PLEKHM2: variants seen among roughly 807,000 people sequenced by gnomAD.
The protein encoded by PLEKHM2 is pleckstrin homology and RUN domain containing M2.
PLEKHM2 carries 77 observed loss-of-function variants against 116.3 expected under a neutral mutation model. The ratio of observed to expected loss-of-function variants is 0.66; its 90% confidence interval spans 0.55 to 0.80. The LOEUF (loss-of-function observed/expected upper bound fraction) is 0.80. Ranked by LOEUF, PLEKHM2 falls within the 30% of genes least tolerant of loss-of-function variation. PLEKHM2 has a pLI of 0.00. For missense variants in PLEKHM2, 1,183 were observed against 1,354.9 expected, an observed-to-expected ratio of 0.87 and a Z score of 1.99; for synonymous variants, 562 against 571.0, an observed-to-expected ratio of 0.98 and a Z score of 0.22.
chr1:15,727,062 TGAG>T lies in PLEKHM2; in HGVS notation c.995_997del (p.Glu332del). 1.3e-6 allele frequency: 2 copies of T among 1,503,570 alleles called. No individual in the cohort carries two copies. Among genetic ancestry groups the T allele is most frequent in the Non-Finnish European group, 1.8e-6 (2 of 1,128,578 alleles). 93.1% of individuals were successfully genotyped at this position (1,503,570 alleles called of 1,614,324 possible). A position where few individuals can be genotyped will look rare whatever the true frequency, so the allele number is the denominator to read the frequency against. On this transcript the variant is annotated inframe_deletion, in exon 9 of 20. Transcript: ENST00000375799. This position sits in a 1 kb window ranked among gnomAD's most constrained non-coding sequence, Gnocchi z 7.5. Reference sequence around the variant, plus strand: ...GCAAGAAGAAAAAGAGCAGATCAGATGAGGAGGCAAGTCCACTCCACCCCGCCT... The same window carrying T: ...GCAAGAAGAAAAAGAGCAGATCAGATGAGGCAAGTCCACTCCACCCCGCCT...
chr1:15,717,408 T>C (rs1367685356), intron 3 of PLEKHM2, among the ~76,000 whole-genome samples: 2 of 152,108 alleles, frequency 1.3e-5, no homozygotes, highest in Admixed American at 1.3e-4. Flanking sequence ...AGTCTCTGTC[T>C]CAAAAAATAA....
chr1:15,727,902 T>A lies in PLEKHM2; in HGVS notation c.1760+70T>A. The A allele has an allele frequency of 7.6e-7, 1 of 1,318,450 alleles. No homozygotes were observed. The highest frequency in any genetic ancestry group is 1.0e-6 in the Non-Finnish European group (1 of 954,574). 81.7% of individuals were successfully genotyped at this position (1,318,450 alleles called of 1,614,324 possible). ...AGCTGGGGACACTGTGCCTCTGACCTCCAGATAAATTAAGCACTAGGAAGA... is the reference window on the plus strand; with the variant it reads ...AGCTGGGGACACTGTGCCTCTGACCACCAGATAAATTAAGCACTAGGAAGA... On this transcript the variant is annotated intron_variant, in intron 9 of 19. Coordinates refer to ENST00000375799, the MANE Select transcript of PLEKHM2 (RefSeq NM_015164.4). The surrounding 1 kb of genome is among the most constrained non-coding windows in gnomAD (Gnocchi z 7.5).
intron 1 of PLEKHM2, among the ~76,000 whole-genome samples, chr1:15,698,397 G>T (rs984164921): frequency 3.3e-5 from 5 of 151,878 alleles, no homozygotes; most frequent in African/African-American, 1.2e-4. Flanking sequence ...AGGGACAGGG[G>T]TCTTGCTATG....
At chr1:15,682,062 C>T (rs1273450153), upstream of PLEKHM2, among the ~76,000 whole-genome samples, 6 of 151,930 alleles carry the variant, frequency 3.9e-5, no homozygotes, top group Non-Finnish European at 8.8e-5. Context: ...ATTCGCTGGG[C>T]GTATTTTATT....
chr1:15,698,716 T>A (rs553183706), intron 1 of PLEKHM2, among the ~76,000 whole-genome samples: 1 of 151,880 alleles, frequency 6.6e-6, no homozygotes, highest in African/African-American at 2.4e-5. Context: ...CCTGGCTAAT[T>A]TTTTGTATAT....
chr1:15,713,803 T>G (rs559910892), intron 1 of PLEKHM2, among the ~76,000 whole-genome samples: 1 of 152,138 alleles, frequency 6.6e-6, no homozygotes, highest in East Asian at 1.9e-4. Flanking sequence ...GCCCGGCTAA[T>G]TTTTTGCATT....
Position 15,684,554 on chromosome 1 carries a change from G to A in PLEKHM2, c.-5G>A. 8.0e-7 allele frequency: 1 copy of A among 1,250,168 alleles called. No individual in the cohort carries two copies. The highest frequency in any genetic ancestry group is 2.7e-5 in the South Asian group (1 of 36,886). The allele number at this position is 1,250,168 out of a possible 1,614,324, so 77.4% of individuals were successfully genotyped here. On this transcript the variant is annotated 5_prime_UTR_variant, in exon 1 of 20. Transcript: ENST00000375799. ...GGTGGCGGTGGCGGCGACGGTGGCA[G>A]CGCCATGGAGCCGGGGGAGGTGAAG...
At chr1:15,730,037 T>A in intron 14 of PLEKHM2, 108 bp downstream of exon 14, 1 of 333,752 alleles carries the variant, frequency 3.0e-6, no homozygotes, top group Non-Finnish European at 5.0e-6. Flanking sequence ...CATTTCACAA[T>A]CGCCTACCTG....
intron 1 of PLEKHM2, among the ~76,000 whole-genome samples, chr1:15,691,147 G>GGGA (rs1640880625): frequency 1.3e-5 from 2 of 152,308 alleles, no homozygotes; most frequent in African/African-American, 4.8e-5. Context: ...ATGGCTCACT[G>GGGA]TAGCCTTCAA....
intron 1 of PLEKHM2, among the ~76,000 whole-genome samples, chr1:15,707,911 T>G (rs992803628): frequency 6.6e-6 from 1 of 152,092 alleles, no homozygotes; most frequent in African/African-American, 2.4e-5. Context: ...TGAGATGGAG[T>G]CTCGCTCTTG....
At chr1:15,690,607 C>G (rs931258481) in intron 1 of PLEKHM2, among the ~76,000 whole-genome samples, 3 of 152,194 alleles carry the variant, frequency 2.0e-5, no homozygotes, top group Non-Finnish European at 4.4e-5. Context: ...AAAGTCCTTG[C>G]CAAGGTAGGC....
chr1:15,732,105 AG>A lies in PLEKHM2; in HGVS notation c.2625+60del, dbSNP rs199695131. On this transcript the variant is annotated intron_variant, in intron 17 of 19. Transcript: ENST00000375799. Reference sequence around the variant, plus strand: ...GCTTGCCTGACCCACCCAGACCCCCAGGGTCCCATCCCTAAACCCATAGTCA... The same window carrying A: ...GCTTGCCTGACCCACCCAGACCCCCAGGTCCCATCCCTAAACCCATAGTCA... 2,459 of 1,515,120 alleles carry A rather than the reference AG, an allele frequency of 1.6e-3. 26 individuals carry two copies. In the African/African-American group the frequency reaches 0.028, roughly 17 times the overall value. The allele number at this position is 1,515,120 out of a possible 1,614,324, so 93.9% of individuals were successfully genotyped here.
chr1:15,716,302 A>C lies in PLEKHM2; in HGVS notation c.126A>C (p.Leu42=), dbSNP rs201343557. ...CCATCCGGAACCATGACAAGGTCCT[A>C]CAGCGTCTGTGTGAGCACCTGGACC... ...IPAIRNHDKV[L]QRLCEHLDHA... The change falls in exon 2 of 20, where the codon CTA becomes CTC. Residue 42 remains leucine, a synonymous_variant. Coordinates refer to ENST00000375799, the MANE Select transcript of PLEKHM2 (RefSeq NM_015164.4). 6.2e-6 allele frequency: 10 copies of C among 1,607,652 alleles called. No individual in the cohort carries two copies. The African/African-American group carries it at 8.0e-5, about 13-fold the overall frequency.
chr1:15,733,029 T>G (rs2068168910), intron 19 of PLEKHM2, among the ~76,000 whole-genome samples: 2 of 152,052 alleles, frequency 1.3e-5, no homozygotes, highest in Non-Finnish European at 2.9e-5. Flanking sequence ...AGGGAAGGGG[T>G]GGGCCCTGGG....
rs2068096616 is a variant in PLEKHM2, at chr1:15,728,493, T to C, written c.1921+136T>C. The C allele has an allele frequency of 7.1e-6, 7 of 987,230 alleles. No homozygotes were observed. In the South Asian group the frequency reaches 1.1e-4, roughly 16 times the overall value. 61.2% of individuals were successfully genotyped at this position (987,230 alleles called of 1,614,324 possible). ...ATGGAAAGGCACCCCAAGGAAGGTG[T>C]TGCCAGCAGCCCTGAGACGTGAGCC... is the stretch of plus-strand genomic sequence containing the variant. On this transcript the variant is annotated intron_variant, in intron 11 of 19. Transcript: ENST00000375799. The surrounding 1 kb of genome is among the most constrained non-coding windows in gnomAD (Gnocchi z 5.9).
At chr1:15,684,673 CCTCCGGCGGCGCT>C in intron 1 of PLEKHM2, 55 bp downstream of exon 1, 1 of 756,036 alleles carries the variant, frequency 1.3e-6, no homozygotes, top group African/African-American at 4.5e-5. Flanking sequence ...CCCCCCACGC[CCTCCGGCGGCGCT>C]CTCCCGGGCC....
In PLEKHM2 at chr1:15,732,677, A is replaced by G; in HGVS notation, c.2871A>G (p.Glu957=). 6.2e-7 allele frequency: 1 copy of G among 1,610,892 alleles called. No homozygotes were observed. The highest frequency in any genetic ancestry group is 8.5e-7 in the Non-Finnish European group (1 of 1,178,724). ...PWVIYLSCTS[E]LDRLLSALNS... ...TCATCTACCTGAGCTGCACTTCTGA[A>G]CTGGACCGATTGCTGTCTGCACTGA... The change falls in exon 19 of 20, where the codon GAA becomes GAG. Residue 957 remains glutamate, a synonymous_variant. Coordinates refer to ENST00000375799, the MANE Select transcript of PLEKHM2 (RefSeq NM_015164.4).
intron 1 of PLEKHM2, among the ~76,000 whole-genome samples, chr1:15,685,189 G>A (rs1355998733): frequency 6.6e-6 from 1 of 152,212 alleles, no homozygotes; most frequent in Non-Finnish European, 1.5e-5. Flanking sequence ...CATGGGGATT[G>A]CATTTTGGAT....
At chr1:15,724,976 C>T (rs1447182006) in intron 7 of PLEKHM2, among the ~76,000 whole-genome samples, 2 of 152,170 alleles carry the variant, frequency 1.3e-5, no homozygotes, top group African/African-American at 4.8e-5. Context: ...CCCAGCCACC[C>T]ATGGAGGCCT....
Sources: gnomAD v4.1 joint callset for allele counts (sites outside exome capture counted in the v4.1 genomes callset) on GRCh38, gnomAD v4.1.1 for gene constraint, Gnocchi (gnomAD v3.1) non-coding constraint, MANE v1.5 for transcripts, NCBI Gene and HGNC (gene_info 2026-07-23, HGNC 2026-07-21) for gene names.